Variants in PARM1 observed in about 807,000 individuals in gnomAD.
PARM1 encodes WSC4, cell wall integrity and stress response component 4 homolog.
PARM1 carries 14 observed loss-of-function variants against 24.6 expected under a neutral mutation model. That is an observed-to-expected ratio of 0.57 (90% CI 0.38 to 0.89). The LOEUF (loss-of-function observed/expected upper bound fraction) is 0.89. PARM1 is among the 40% of genes least tolerant of loss of function. The pLI is 0.00. For missense variants in PARM1, 362 were observed against 380.4 expected (o/e 0.95, Z 0.40); for synonymous variants, 179 against 156.6 (o/e 1.14, Z -1.07).
intron 1 of PARM1, among the ~76,000 whole-genome samples, chr4:74,994,434 C>A (rs531328028): frequency 6.6e-6 from 1 of 152,262 alleles, no homozygotes; most frequent in South Asian, 2.1e-4. Context: ...CTTTGCTCAG[C>A]TCATTTACGG....
intron 1 of PARM1, among the ~76,000 whole-genome samples, chr4:74,973,031 A>C (rs565239721): frequency 6.6e-6 from 1 of 152,282 alleles, no homozygotes; most frequent in African/African-American, 2.4e-5. Flanking sequence ...TGAGTCAATC[A>C]CACCTCACAG....
At chr4:74,991,555 C>G (rs1470043860) in intron 1 of PARM1, among the ~76,000 whole-genome samples, 1 of 152,162 alleles carries the variant, frequency 6.6e-6, no homozygotes, top group Non-Finnish European at 1.5e-5. Context: ...GGATTCCTTT[C>G]AAGTCCAAAG....
chr4:74,957,841 G>A (rs1056881632), intron 1 of PARM1, among the ~76,000 whole-genome samples: 1 of 152,132 alleles, frequency 6.6e-6, no homozygotes, highest in East Asian at 1.9e-4. Flanking sequence ...AGGGATTGAA[G>A]CTAGACAACA....
In PARM1 at chr4:74,994,878, T is replaced by C. The variant is rs190347250; in HGVS notation, c.44-17547T>C. ...GCATAAGATTGTCACTACAATAAGCTTAAAAACCAAAAATTCTGGGAACAC... is the reference window on the plus strand; with the variant it reads ...GCATAAGATTGTCACTACAATAAGCCTAAAAACCAAAAATTCTGGGAACAC... On this transcript the variant is annotated intron_variant, in intron 1 of 3. Transcript: ENST00000307428. 4.6e-5 allele frequency among the ~76,000 whole-genome samples: 7 copies of C among 152,042 alleles called. No homozygotes were observed. The East Asian group carries it at 1.2e-3, about 25-fold the overall frequency.
At chr4:74,942,802 GCATAGCAA>G (rs1389491567) in intron 1 of PARM1, among the ~76,000 whole-genome samples, 1 of 152,116 alleles carries the variant, frequency 6.6e-6, no homozygotes, top group Non-Finnish European at 1.5e-5. Flanking sequence ...TTTCTACATA[GCATAGCAA>G]CAGCGAATTC....
chr4:75,045,118 A>G (rs974739021), intron 3 of PARM1, among the ~76,000 whole-genome samples: 16 of 152,224 alleles, frequency 1.1e-4, no homozygotes, highest in Admixed American at 3.3e-4. Flanking sequence ...CTTGAAGGAA[A>G]TGAGAGAATG....
At chr4:75,044,420 G>GA (rs975221952) in intron 3 of PARM1, among the ~76,000 whole-genome samples, 6 of 152,144 alleles carry the variant, frequency 3.9e-5, no homozygotes, top group African/African-American at 1.4e-4. Context: ...GTTTTGGGGG[G>GA]ATCTCTGGAT....
chr4:75,007,080 T>G (rs1560789943), intron 1 of PARM1, among the ~76,000 whole-genome samples: 1 of 152,132 alleles, frequency 6.6e-6, no homozygotes, highest in Non-Finnish European at 1.5e-5. Flanking sequence ...GAACAGACAC[T>G]TCTCAAAAGA....
At position 75,012,627 on chromosome 4, in the gene PARM1, C is replaced by T. The variant is rs141002071; in HGVS notation, c.246C>T (p.Ser82=). The T allele has an allele frequency of 2.2e-4, 363 of 1,613,966 alleles. 4 individuals are homozygous for T. In the African/African-American group the frequency reaches 4.4e-3, roughly 20 times the overall value. The change falls in exon 2 of 4, where the codon TCC becomes TCT. Residue 82 remains serine (S), a synonymous_variant. Coordinates refer to ENST00000307428, the MANE Select transcript of PARM1 (RefSeq NM_015393.4). ...CATCTCTGCTTCCTAAGAACATTTC[C>T]ATAGAGTCCAGAGAAGAGGAGATCA... The part of the protein sequence containing the change: ...APTSLLPKNI[S]IESREEEITS...
chr4:75,021,180 A>T (rs1723082426), intron 2 of PARM1, among the ~76,000 whole-genome samples: 1 of 152,236 alleles, frequency 6.6e-6, no homozygotes. Flanking sequence ...AAATTCACGT[A>T]TTGTGTTAGC....
intron 1 of PARM1, among the ~76,000 whole-genome samples, chr4:74,946,895 G>T (rs1048439284): frequency 7.9e-5 from 12 of 152,236 alleles, no homozygotes; most frequent in African/African-American, 2.6e-4. Context: ...ATGAGTAGAA[G>T]AAAAATCAAG....
In PARM1 at chr4:74,970,748, T is replaced by C. The variant is rs147368499; in HGVS notation, c.43+37378T>C. 2.3e-3 allele frequency among the ~76,000 whole-genome samples: 357 copies of C among 152,340 alleles called. 2 individuals are homozygous for C. The highest frequency in any genetic ancestry group is 8.3e-3 in the African/African-American group (346 of 41,580). On this transcript the variant is annotated intron_variant, in intron 1 of 3. Coordinates refer to ENST00000307428, the MANE Select transcript of PARM1 (RefSeq NM_015393.4). ...TGTGTTCAGGGCAGCAATTTAATTT[T>C]TATGTTATCATAAGCTAAACCTAAT...
chr4:75,006,423 G>A (rs1260062773), intron 1 of PARM1, among the ~76,000 whole-genome samples: 2 of 151,846 alleles, frequency 1.3e-5, no homozygotes, highest in African/African-American at 2.4e-5. Context: ...ATAGTTTGCT[G>A]AGAATGATGG....
At chr4:75,013,541 A>G (rs188619751) in intron 2 of PARM1, among the ~76,000 whole-genome samples, 1 of 152,364 alleles carries the variant, frequency 6.6e-6, no homozygotes, top group East Asian at 1.9e-4. Flanking sequence ...GGGATAAAAC[A>G]GTTGCTACTG....
At chr4:74,979,636 A>G (rs1291726305) in intron 1 of PARM1, among the ~76,000 whole-genome samples, 1 of 152,200 alleles carries the variant, frequency 6.6e-6, no homozygotes, top group African/African-American at 2.4e-5. Context: ...CTTGATACCA[A>G]AACCAGGCAG....
intron 1 of PARM1, among the ~76,000 whole-genome samples, chr4:75,001,114 T>C (rs544462735): frequency 1.3e-5 from 2 of 152,318 alleles, no homozygotes; most frequent in African/African-American, 4.8e-5. Context: ...AGGTGACTTA[T>C]TACACATAAA....
In PARM1 at chr4:75,049,866, CT is replaced by C. The variant is rs200170376; in HGVS notation, c.*3633del. On this transcript the variant is annotated 3_prime_UTR_variant, in exon 4 of 4. Coordinates refer to ENST00000307428, the MANE Select transcript of PARM1 (RefSeq NM_015393.4). ...TTCTTTGCCTTTAAGCCTTTTTTTT[CT>C]TTTTTTTTTTTTTGGCAAATGAATG... 894 of 134,072 alleles carry C rather than the reference CT, an allele frequency of 6.7e-3. 6 individuals carry two copies. The highest frequency in any genetic ancestry group is 0.017 in the African/African-American group (613 of 36,336). The allele number at this position is 134,072 out of a possible 1,614,324, so 8.3% of individuals were successfully genotyped here.
intron 1 of PARM1, among the ~76,000 whole-genome samples, chr4:75,000,522 G>C (rs1461074683): frequency 6.6e-6 from 1 of 152,170 alleles, no homozygotes; most frequent in Non-Finnish European, 1.5e-5. Context: ...CACTGTGCTA[G>C]ACACAGTTGC....
At chr4:74,978,978 A>G (rs1462406897) in intron 1 of PARM1, among the ~76,000 whole-genome samples, 1 of 152,198 alleles carries the variant, frequency 6.6e-6, no homozygotes, top group Non-Finnish European at 1.5e-5. Flanking sequence ...AGGGAAATTT[A>G]TAGCACTAAA....
Sources: gnomAD v4.1 joint callset for allele counts (sites outside exome capture counted in the v4.1 genomes callset) on GRCh38, gnomAD v4.1.1 for gene constraint, MANE v1.5 for transcripts, NCBI Gene and HGNC (gene_info 2026-07-23, HGNC 2026-07-21) for gene names.